Variants in SHC3 observed in about 807,000 individuals in gnomAD.
SHC3 encodes the protein SHC adaptor protein 3, also known as SHC-transforming protein 3.
Under a neutral mutation model 60.4 loss-of-function variants are expected in SHC3, and 15 were observed. The ratio of observed to expected loss-of-function variants is 0.25; its 90% CI spans 0.17 to 0.38. The LOEUF (loss-of-function observed/expected upper bound fraction) is 0.38. SHC3 is among the 10% of genes least tolerant of loss of function. The probability of loss-of-function intolerance (pLI) is 1.00; values close to 1 mark genes in which losing one functional copy is unlikely to be tolerated. For missense variants in SHC3, 677 were observed against 786.1 expected, an observed-to-expected ratio of 0.86 and a Z score of 1.66; for synonymous variants, 294 against 325.9, an observed-to-expected ratio of 0.90 and a Z score of 1.05.
chr9:89,134,720 G>A (rs1160698891), intron 1 of SHC3, among the ~76,000 whole-genome samples: 1 of 152,016 alleles, frequency 6.6e-6, no homozygotes, highest in Non-Finnish European at 1.5e-5. Context: ...AATTTGACAG[G>A]TACTAACGAA....
chr9:89,122,504 T>C (rs1258392700), intron 1 of SHC3, among the ~76,000 whole-genome samples: 1 of 152,244 alleles, frequency 6.6e-6, no homozygotes, highest in Non-Finnish European at 1.5e-5. Flanking sequence ...TTAGAAGGCT[T>C]GACAACACCT....
At chr9:89,103,066 T>C (rs764783801) in intron 2 of SHC3, among the ~76,000 whole-genome samples, 13 of 152,034 alleles carry the variant, frequency 8.6e-5, no homozygotes, top group Non-Finnish European at 1.0e-4. Context: ...TTGGGAGGAA[T>C]GTTTGGAAAG....
At chr9:89,080,197 A>G (rs1825421925) in intron 2 of SHC3, among the ~76,000 whole-genome samples, 1 of 152,172 alleles carries the variant, frequency 6.6e-6, no homozygotes. Context: ...AGCTTTATGT[A>G]GTTCCACTTA....
intron 10 of SHC3, among the ~76,000 whole-genome samples, chr9:89,038,783 A>C (rs1824627022): frequency 6.6e-6 from 1 of 152,266 alleles, no homozygotes; most frequent in African/African-American, 2.4e-5. Flanking sequence ...AAATCTTTGC[A>C]TCAGGCAAAT....
At chr9:89,149,605 C>T (rs1826517036) in intron 1 of SHC3, among the ~76,000 whole-genome samples, 1 of 152,118 alleles carries the variant, frequency 6.6e-6, no homozygotes, top group Non-Finnish European at 1.5e-5. Flanking sequence ...AGTCAAATTC[C>T]CACATACCTC....
chr9:89,110,287 A>T (rs1051017785), intron 2 of SHC3: 11 of 984,140 alleles, frequency 1.1e-5, no homozygotes, highest in Non-Finnish European at 1.3e-5. Flanking sequence ...ATAATTAGGG[A>T]TTAATTATCT....
At chr9:89,051,663 G>C (rs545711850) in intron 7 of SHC3, among the ~76,000 whole-genome samples, 1 of 152,218 alleles carries the variant, frequency 6.6e-6, no homozygotes, top group African/African-American at 2.4e-5. Flanking sequence ...TTGGCTAATC[G>C]TAACGACAAG....
intron 1 of SHC3, among the ~76,000 whole-genome samples, chr9:89,118,184 A>C (rs1564157456): frequency 6.6e-6 from 1 of 150,902 alleles, no homozygotes; most frequent in African/African-American, 2.4e-5. Flanking sequence ...CACCACAGGG[A>C]GTGAGAGTTT....
chr9:89,144,386 C>T (rs753555065), intron 1 of SHC3, among the ~76,000 whole-genome samples: 4 of 152,216 alleles, frequency 2.6e-5, no homozygotes, highest in African/African-American at 7.2e-5. Flanking sequence ...CACCCCAGGA[C>T]GGCTTGTTAA....
intron 1 of SHC3, among the ~76,000 whole-genome samples, chr9:89,117,097 A>G (rs554604291): frequency 5.9e-5 from 9 of 152,352 alleles, no homozygotes; most frequent in African/African-American, 1.9e-4. Flanking sequence ...ATATAGTCAC[A>G]GAATTATGTA....
intron 9 of SHC3, among the ~76,000 whole-genome samples, chr9:89,044,473 G>T (rs1427521216): frequency 6.6e-6 from 1 of 152,214 alleles, no homozygotes; most frequent in Non-Finnish European, 1.5e-5. Context: ...GAAGGAATAA[G>T]CCTCAACATT....
chr9:89,016,892 T>A (rs1826103524), intron 11 of SHC3, among the ~76,000 whole-genome samples: 1 of 152,324 alleles, frequency 6.6e-6, no homozygotes, highest in Non-Finnish European at 1.5e-5. Flanking sequence ...TCCATCATGT[T>A]AAAGAAGAAA....
chr9:89,020,870 C>G (rs2316280), intron 11 of SHC3, among the ~76,000 whole-genome samples: 1 of 152,010 alleles, frequency 6.6e-6, no homozygotes, highest in African/African-American at 2.4e-5. Context: ...CCACTGGGTG[C>G]GGTACCTTGG....
intron 1 of SHC3, among the ~76,000 whole-genome samples, chr9:89,165,313 C>A (rs982528796): frequency 6.6e-6 from 1 of 150,700 alleles, no homozygotes; most frequent in Non-Finnish European, 1.5e-5. Context: ...ATATAAGTAG[C>A]AGATCATTTT....
At chr9:89,160,810 C>A (rs1263444475) in intron 1 of SHC3, among the ~76,000 whole-genome samples, 1 of 152,224 alleles carries the variant, frequency 6.6e-6, no homozygotes, top group African/African-American at 2.4e-5. Context: ...TGCTTTCCAA[C>A]TACCAAACAG....
chr9:89,074,688 A>G (rs528523089), intron 4 of SHC3, among the ~76,000 whole-genome samples: 102 of 136,616 alleles, frequency 7.5e-4, no homozygotes, highest in African/African-American at 2.6e-3. Context: ...TGAGCCACTA[A>G]AGCAAAAAAA....
chr9:89,154,318 G>A (rs534593369), intron 1 of SHC3, among the ~76,000 whole-genome samples: 11 of 152,196 alleles, frequency 7.2e-5, no homozygotes, highest in Middle Eastern at 3.4e-3. Context: ...TGGACACCCC[G>A]ATTTAGAGTT....
At chr9:89,040,609 T>TGGAG (rs1397050116) in intron 10 of SHC3, among the ~76,000 whole-genome samples, 1 of 152,184 alleles carries the variant, frequency 6.6e-6, no homozygotes, top group Non-Finnish European at 1.5e-5. Flanking sequence ...AACTGCAGTT[T>TGGAG]GGAGGTACTA....
intron 4 of SHC3, 32 bp downstream of exon 4, chr9:89,075,077 G>A: frequency 6.2e-7 from 1 of 1,609,828 alleles, no homozygotes; most frequent in Non-Finnish European, 8.5e-7. Flanking sequence ...TGGGGCTGTG[G>A]GCAGGGACAG....
Sources: gnomAD v4.1 joint callset for allele counts (sites outside exome capture counted in the v4.1 genomes callset) on GRCh38, gnomAD v4.1.1 for gene constraint, MANE v1.5 for transcripts, NCBI Gene and HGNC (gene_info 2026-07-23, HGNC 2026-07-21) for gene names.